PRDM6: variants seen among roughly 807,000 people sequenced by gnomAD.
The protein encoded by PRDM6 is putative histone-lysine N-methyltransferase PRDM6.
A neutral mutation model predicts 60.8 loss-of-function variants in PRDM6; 25 were observed. That is an observed-to-expected ratio of 0.41 (90% CI 0.30 to 0.57). The LOEUF (loss-of-function observed/expected upper bound fraction) is 0.57. Ranked by LOEUF, PRDM6 falls within the 20% of genes least tolerant of loss-of-function variation. PRDM6 has a pLI of 0.27. For synonymous variants in PRDM6, 407 were observed against 357.4 expected (o/e 1.14, Z -1.57); for missense variants, 839 against 821.3 (o/e 1.02, Z -0.26).
At chr5:123,130,810 G>A (rs1326655822) in intron 3 of PRDM6, among the ~76,000 whole-genome samples, 3 of 152,076 alleles carry the variant, frequency 2.0e-5, no homozygotes, top group African/African-American at 4.8e-5. Flanking sequence ...CAGGTGATCC[G>A]CCTGCCTCGG....
chr5:123,103,708 C>G (rs1764150401), intron 3 of PRDM6, among the ~76,000 whole-genome samples: 1 of 151,910 alleles, frequency 6.6e-6, no homozygotes. Flanking sequence ...TTTAATATGA[C>G]TGGACCTGAG....
intron 3 of PRDM6, among the ~76,000 whole-genome samples, chr5:123,113,789 C>T (rs891910671): frequency 6.6e-6 from 1 of 152,186 alleles, no homozygotes; most frequent in Non-Finnish European, 1.5e-5. Context: ...ACTGGTTTTT[C>T]AGACAGAGCA....
intron 3 of PRDM6, among the ~76,000 whole-genome samples, chr5:123,101,849 T>C (rs1180474991): frequency 6.6e-6 from 1 of 152,238 alleles, no homozygotes; most frequent in Non-Finnish European, 1.5e-5. Context: ...CTACCTTTAC[T>C]TGTACTTGAT....
intron 3 of PRDM6, among the ~76,000 whole-genome samples, chr5:123,115,591 GAAAA>G (rs532864859): frequency 6.6e-6 from 1 of 151,952 alleles, no homozygotes; most frequent in Non-Finnish European, 1.5e-5. Flanking sequence ...ATTTTAAAAA[GAAAA>G]AAACAAGAAA....
rs1765581126 is a variant in PRDM6, at chr5:123,159,552, G to C, written c.1067G>C (p.Arg356Thr). ...TACCGAGCCTGTATAGATATCCCTAGGGGCACCGAGCTTCTGGTGTGGTAC... is the reference window on the plus strand; with the variant it reads ...TACCGAGCCTGTATAGATATCCCTACGGGCACCGAGCTTCTGGTGTGGTAC... ...IFYRACIDIPRGTELLVWYND... is the reference protein window; with the variant it reads ...IFYRACIDIPTGTELLVWYND... The change falls in exon 5 of 8, where the codon AGG (arginine) becomes ACG (threonine). Residue 356 changes from arginine (R) to threonine (T), a missense_variant. Arg to Thr is a moderately conservative substitution (Grantham distance 71). Coordinates refer to ENST00000407847, the MANE Select transcript of PRDM6 (RefSeq NM_001136239.4). 1 of 1,551,348 alleles carries C rather than the reference G, an allele frequency of 6.4e-7. No homozygotes were observed. The highest frequency in any genetic ancestry group is 2.0e-5 in the Admixed American group (1 of 50,982).
intron 3 of PRDM6, among the ~76,000 whole-genome samples, chr5:123,131,911 T>C (rs1764842354): frequency 6.6e-6 from 1 of 152,194 alleles, no homozygotes; most frequent in South Asian, 2.1e-4. Flanking sequence ...AAGTGAGTTC[T>C]TGGGTTAGTT....
rs1038648537 is a variant in PRDM6 at position 123,102,521 on chromosome 5, G to A, written c.900+2560G>A. Reference sequence around the variant, plus strand: ...AAGTAGAATACATTGTAGGTCTATCGGAAATGTTTGGCAATAATTGTTTAA... The same window carrying A: ...AAGTAGAATACATTGTAGGTCTATCAGAAATGTTTGGCAATAATTGTTTAA... On this transcript the variant is annotated intron_variant, in intron 3 of 7. Coordinates refer to ENST00000407847, the MANE Select transcript of PRDM6 (RefSeq NM_001136239.4). Among the ~76,000 whole-genome samples the A allele has an allele frequency of 7.9e-5, 12 of 151,798 alleles. No individual in the cohort carries two copies. The South Asian group carries it at 8.3e-4, about 11-fold the overall frequency.
At chr5:123,132,824 A>G (rs1476830251) in intron 3 of PRDM6, among the ~76,000 whole-genome samples, 1 of 152,142 alleles carries the variant, frequency 6.6e-6, no homozygotes, top group African/African-American at 2.4e-5. Flanking sequence ...TTAAAAAATT[A>G]TGTCCCAGAT....
intron 3 of PRDM6, among the ~76,000 whole-genome samples, chr5:123,110,565 T>C (rs965010103): frequency 4.0e-5 from 6 of 150,022 alleles, no homozygotes; most frequent in Non-Finnish European, 7.4e-5. Context: ...TTTTTTTTTT[T>C]TTCTTTTTTT....
At chr5:123,137,722 G>A in intron 3 of PRDM6, among the ~76,000 whole-genome samples, 1 of 152,066 alleles carries the variant, frequency 6.6e-6, no homozygotes, top group Non-Finnish European at 1.5e-5. Context: ...AAACCCGCAT[G>A]GCATGTGTAT....
chr5:123,174,173 A>G (rs1210106287), intron 6 of PRDM6, among the ~76,000 whole-genome samples: 1 of 152,214 alleles, frequency 6.6e-6, no homozygotes, highest in African/African-American at 2.4e-5. Flanking sequence ...GAAATGCATC[A>G]TTGAGCATTT....
chr5:123,178,120 C>T (rs179805), intron 6 of PRDM6, among the ~76,000 whole-genome samples: 24,757 of 151,690 alleles, frequency 0.16, 2,109 homozygotes, highest in Non-Finnish European at 0.18. Flanking sequence ...CCTTTACCAC[C>T]GTGAACTATT....
chr5:123,108,801 TTATA>T (rs1481573401), intron 3 of PRDM6, among the ~76,000 whole-genome samples: 1 of 152,144 alleles, frequency 6.6e-6, no homozygotes, highest in Non-Finnish European at 1.5e-5. Flanking sequence ...TGAGACATGA[TTATA>T]TAATATATAG....
At chr5:123,156,740 T>A (rs1765508885) in intron 4 of PRDM6, among the ~76,000 whole-genome samples, 1 of 152,052 alleles carries the variant, frequency 6.6e-6, no homozygotes, top group Non-Finnish European at 1.5e-5. Context: ...AGAAGCAGGG[T>A]GGATTCCCCG....
At chr5:123,147,119 A>G (rs1423645588) in intron 3 of PRDM6, among the ~76,000 whole-genome samples, 1 of 152,132 alleles carries the variant, frequency 6.6e-6, no homozygotes, top group Non-Finnish European at 1.5e-5. Context: ...CAGGATCCAA[A>G]TTCATTTCAT....
chr5:123,142,559 G>A (rs917058160), intron 3 of PRDM6, among the ~76,000 whole-genome samples: 19 of 152,122 alleles, frequency 1.2e-4, no homozygotes, highest in Middle Eastern at 3.4e-3. Context: ...TTAAAAAGTA[G>A]GAAAAATGGT....
chr5:123,106,442 C>T (rs1023845852), intron 3 of PRDM6, among the ~76,000 whole-genome samples: 1 of 152,042 alleles, frequency 6.6e-6, no homozygotes, highest in Admixed American at 6.5e-5. Context: ...AATGGCGCAG[C>T]ATTAGACAAA....
At chr5:123,094,229 T>A (rs1304777498) in intron 2 of PRDM6, among the ~76,000 whole-genome samples, 1 of 152,158 alleles carries the variant, frequency 6.6e-6, no homozygotes, top group Non-Finnish European at 1.5e-5. Flanking sequence ...CCCTAATCCC[T>A]TCCCACCCAG....
intron 4 of PRDM6, among the ~76,000 whole-genome samples, chr5:123,157,005 A>G (rs963111486): frequency 2.0e-5 from 3 of 152,006 alleles, no homozygotes; most frequent in African/African-American, 4.8e-5. Flanking sequence ...ACATCAAAGC[A>G]GAGGGCTCTG....
Sources: allele counts gnomAD v4.1 joint callset (sites outside exome capture counted in the v4.1 genomes callset), GRCh38; gene constraint gnomAD v4.1.1; transcripts MANE v1.5; gene names NCBI Gene and HGNC (gene_info 2026-07-23, HGNC 2026-07-21).